Variants in CACNA2D1 observed in about 807,000 individuals in gnomAD.
CACNA2D1 encodes the protein voltage-dependent calcium channel subunit alpha-2/delta-1.
A neutral mutation model predicts 171.5 loss-of-function variants in CACNA2D1; 53 were observed. That is an observed-to-expected ratio of 0.31 (90% CI 0.25 to 0.39). The LOEUF (loss-of-function observed/expected upper bound fraction) is 0.39, where lower values mean the gene tolerates loss of function less well. CACNA2D1 is among the 10% of genes least tolerant of loss of function. The probability of loss-of-function intolerance (pLI) is 1.00; values close to 1 mark genes in which losing one functional copy is unlikely to be tolerated. For synonymous variants in CACNA2D1, 442 were observed against 443.1 expected, an observed-to-expected ratio of 1.00 and a Z score of 0.03; for missense variants, 903 against 1,299.8, an observed-to-expected ratio of 0.69 and a Z score of 4.69.
At position 81,950,264 on chromosome 7, in the gene CACNA2D1, T is replaced by C; in HGVS notation, c.*128A>G. 1.3e-6 allele frequency: 2 copies of C among 1,567,764 alleles called. No individual in the cohort carries two copies. The highest frequency in any genetic ancestry group is 1.7e-6 in the Non-Finnish European group (2 of 1,146,974). ...CTTAGGAGTCTGCGCCTTAGTGTTA[T>C]GCCATGGAACAGGCCCAGCTAATGT... On this transcript the variant is annotated 3_prime_UTR_variant, in exon 39 of 39. Transcript: ENST00000356860.
chr7:81,991,215 G>A lies in CACNA2D1; in HGVS notation c.1766C>T (p.Thr589Ile). 2.6e-6 allele frequency: 4 copies of A among 1,538,036 alleles called. No individual in the cohort carries two copies. In the South Asian group the frequency reaches 4.5e-5, roughly 17 times the overall value. The change falls in exon 21 of 39, where the codon ACA becomes ATA. Residue 589 changes from threonine to isoleucine, a missense_variant. This residue lies in a region of CACNA2D1 where 623 missense variants were observed against 925.5 expected (regional missense o/e 0.67). Transcript: ENST00000356860. Reference protein sequence around the residue: ...RYIDKGNRTYTWTPVNGTDYS... With the variant: ...RYIDKGNRTYIWTPVNGTDYS... ...ATCTGTGCCATTGACAGGTGTCCAT[G>A]TGTATGTCCTGTTTCCTTTGTCAAT...
intron 1 of CACNA2D1, among the ~76,000 whole-genome samples, chr7:82,409,860 A>G (rs1563512918): frequency 6.6e-6 from 1 of 152,200 alleles, no homozygotes; most frequent in Non-Finnish European, 1.5e-5. Context: ...TACTTATACA[A>G]ACCTAGATAG....
At position 81,967,210 on chromosome 7, in the gene CACNA2D1, GA is replaced by G; in HGVS notation, c.2464-4del. 6.2e-7 allele frequency: 1 copy of G among 1,606,672 alleles called. No individual in the cohort carries two copies. The highest frequency in any genetic ancestry group is 8.5e-7 in the Non-Finnish European group (1 of 1,174,760). On this transcript the variant is annotated splice_region_variant and splice_polypyrimidine_tract_variant and intron_variant, in intron 30 of 38. Transcript: ENST00000356860. ...CAGTCACAAACTGGACCAGCACACTGAAAGACAAAAATGCGATTATCACCTC... is the reference window on the plus strand; with the variant it reads ...CAGTCACAAACTGGACCAGCACACTGAAGACAAAAATGCGATTATCACCTC...
At chr7:82,080,294 G>A (rs189128548) in intron 7 of CACNA2D1, among the ~76,000 whole-genome samples, 309 of 152,014 alleles carry the variant, frequency 2.0e-3, no homozygotes, top group African/African-American at 6.9e-3. Flanking sequence ...TCTAGTTCCT[G>A]CAAAATATTT....
chr7:82,182,533 T>C (rs1020471276), intron 3 of CACNA2D1, among the ~76,000 whole-genome samples: 1 of 151,764 alleles, frequency 6.6e-6, no homozygotes, highest in African/African-American at 2.4e-5. Context: ...GAAGTACCTT[T>C]GAAAATTATT....
rs1032168059 is a variant in CACNA2D1 at position 82,128,047 on chromosome 7, C to T, written c.396+8588G>A. ...CAAGCAATCTTCCCACCTCAGCCTC[C>T]CAAGTAGCTGGGACTACAGGTGCAC... On this transcript the variant is annotated intron_variant, in intron 5 of 38. Transcript: ENST00000356860. 2.0e-5 allele frequency among the ~76,000 whole-genome samples: 3 copies of T among 152,186 alleles called. No homozygotes were observed. The South Asian group carries it at 6.2e-4, about 32-fold the overall frequency.
At chr7:82,082,542 A>G (rs1423021683) in intron 7 of CACNA2D1, among the ~76,000 whole-genome samples, 1 of 151,880 alleles carries the variant, frequency 6.6e-6, no homozygotes, top group Non-Finnish European at 1.5e-5. Context: ...AAAACCAATT[A>G]GGAAAGGGTA....
At chr7:82,060,857 G>A (rs1173506167) in intron 9 of CACNA2D1, among the ~76,000 whole-genome samples, 4 of 152,224 alleles carry the variant, frequency 2.6e-5, no homozygotes, top group Admixed American at 2.6e-4. Flanking sequence ...GAAGAGAGGA[G>A]TAGAGAGATT....
intron 1 of CACNA2D1, among the ~76,000 whole-genome samples, chr7:82,439,990 T>C (rs1300819043): frequency 1.3e-5 from 2 of 151,830 alleles, no homozygotes; most frequent in Admixed American, 6.6e-5. Context: ...CATTACAATA[T>C]CCTGACATAC....
chr7:82,087,899 G>A (rs1810665525), intron 6 of CACNA2D1, among the ~76,000 whole-genome samples: 1 of 152,094 alleles, frequency 6.6e-6, no homozygotes, highest in Admixed American at 6.5e-5. Context: ...TACCGGCCAT[G>A]CTAAAACAAG....
In CACNA2D1 at chr7:82,349,634, C is replaced by T. The variant is rs1341944383; in HGVS notation, c.111G>A (p.Val37=). The T allele has an allele frequency of 1.2e-6, 2 of 1,613,380 alleles. No individual in the cohort carries two copies. Among genetic ancestry groups the T allele is most frequent in the Admixed American group, 1.7e-5 (1 of 60,000 alleles). Reference sequence around the variant, plus strand: ...TGACAAGGTCTTCTTGCATCTTATCCACCCATGATTTGATACTGCAGAAAT... The same window carrying T: ...TGACAAGGTCTTCTTGCATCTTATCTACCCATGATTTGATACTGCAGAAAT... ...FPSAVTIKSW[V]DKMQEDLVTL... Residue 37 remains valine (V), a synonymous_variant, in exon 2 of 39, where the codon GTG becomes GTA. Coordinates refer to ENST00000356860, the MANE Select transcript of CACNA2D1 (RefSeq NM_000722.4).
chr7:82,038,348 A>G, intron 10 of CACNA2D1, 113 bp from the exon 11 acceptor site: 2 of 908,494 alleles, frequency 2.2e-6, no homozygotes, highest in Non-Finnish European at 3.3e-6. Context: ...ACTCTTTCAA[A>G]TGGAAAAGTG....
intron 16 of CACNA2D1, among the ~76,000 whole-genome samples, chr7:82,007,215 A>T (rs1799208389): frequency 6.6e-6 from 1 of 152,170 alleles, no homozygotes; most frequent in Admixed American, 6.5e-5. Context: ...ATTAATTTAA[A>T]TCAGATCCTT....
chr7:82,381,591 A>G (rs1467870302), intron 1 of CACNA2D1, among the ~76,000 whole-genome samples: 1 of 152,172 alleles, frequency 6.6e-6, no homozygotes, highest in Non-Finnish European at 1.5e-5. Context: ...CTCTTATGGG[A>G]GGAAGTTTAC....
chr7:82,394,102 G>C (rs955674851), intron 1 of CACNA2D1, among the ~76,000 whole-genome samples: 20 of 152,158 alleles, frequency 1.3e-4, no homozygotes, highest in Non-Finnish European at 2.9e-5. Flanking sequence ...CAAGTAAAAG[G>C]TAGAATGGGA....
At chr7:81,975,547 T>C (rs952643956) in intron 24 of CACNA2D1, among the ~76,000 whole-genome samples, 1 of 152,164 alleles carries the variant, frequency 6.6e-6, no homozygotes, top group African/African-American at 2.4e-5. Flanking sequence ...AACTTGTTTA[T>C]TTGTAATTCA....
At chr7:82,064,561 A>G (rs189161573) in intron 8 of CACNA2D1, among the ~76,000 whole-genome samples, 135 of 152,294 alleles carry the variant, frequency 8.9e-4, no homozygotes, top group Admixed American at 7.8e-3. Flanking sequence ...AGATGTCAGA[A>G]GCATAATATT....
At chr7:82,358,233 G>A (rs942425959) in intron 1 of CACNA2D1, among the ~76,000 whole-genome samples, 1 of 152,086 alleles carries the variant, frequency 6.6e-6, no homozygotes. Context: ...CATCCACAGT[G>A]TTCCTGTAGT....
At chr7:81,989,143 G>A (rs1263823750) in intron 21 of CACNA2D1, among the ~76,000 whole-genome samples, 1 of 152,200 alleles carries the variant, frequency 6.6e-6, no homozygotes, top group African/African-American at 2.4e-5. Flanking sequence ...AGGCAGATGG[G>A]TGCCAGTGTT....
Sources: gnomAD v4.1 joint callset for allele counts (sites outside exome capture counted in the v4.1 genomes callset) on GRCh38, gnomAD v4.1.1 for gene constraint, gnomAD v4.1.1 regional missense constraint, MANE v1.5 for transcripts, NCBI Gene and HGNC (gene_info 2026-07-23, HGNC 2026-07-21) for gene names.